TMEM232: variants seen among roughly 807,000 people sequenced by gnomAD.
The protein encoded by TMEM232 is transmembrane protein 232.
A neutral mutation model predicts 78.8 loss-of-function variants in TMEM232; 80 were observed. The ratio of observed to expected loss-of-function variants is 1.01; its 90% CI spans 0.85 to 1.22. The LOEUF (loss-of-function observed/expected upper bound fraction) is 1.22, where lower values mean the gene tolerates loss of function less well. Ranked by LOEUF, TMEM232 falls within the 50% of genes most tolerant of loss-of-function variation. The probability of loss-of-function intolerance (pLI) is 0.00; values close to 1 mark genes in which losing one functional copy is unlikely to be tolerated. For missense variants in TMEM232, 881 were observed against 742.2 expected (o/e 1.19, Z -2.17); for synonymous variants, 297 against 254.3 (o/e 1.17, Z -1.60).
At chr5:110,425,658 CTGTT>C (rs1757147934) in intron 12 of TMEM232, among the ~76,000 whole-genome samples, 1 of 151,988 alleles carries the variant, frequency 6.6e-6, no homozygotes, top group African/African-American at 2.4e-5. Flanking sequence ...TCATCAGGTT[CTGTT>C]TGTCTATTCT....
At chr5:110,412,636 T>A (rs1208740724) in intron 2 of TMEM232, among the ~76,000 whole-genome samples, 2 of 152,162 alleles carry the variant, frequency 1.3e-5, no homozygotes, top group Non-Finnish European at 2.9e-5. Flanking sequence ...TATGTGTATT[T>A]TAATTTATAA....
chr5:110,469,221 C>T (rs921955786), intron 12 of TMEM232, among the ~76,000 whole-genome samples: 3 of 152,168 alleles, frequency 2.0e-5, no homozygotes, highest in Non-Finnish European at 4.4e-5. Flanking sequence ...TTACACCATA[C>T]CATTTTGGAA....
intron 2 of TMEM232, among the ~76,000 whole-genome samples, chr5:110,646,769 T>C (rs139915098): frequency 1.4e-3 from 209 of 151,814 alleles, no homozygotes; most frequent in African/African-American, 4.9e-3. Flanking sequence ...TGATAGAAAA[T>C]ACTTGCAAAC....
rs143319443 is a variant in TMEM232, at chr5:110,706,668, C to G, written c.-13+19959G>C. Among the ~76,000 whole-genome samples, 1,146 of 152,232 alleles carry G rather than the reference C, an allele frequency of 7.5e-3. 8 individuals carry two copies. Among genetic ancestry groups the G allele is most frequent in the Non-Finnish European group, 0.012 (783 of 68,016 alleles). ...AAAGTACATCACATTGAATATTCTTCCACCCAGCTCCTCAAGGCATCTCAG... is the reference window on the plus strand; with the variant it reads ...AAAGTACATCACATTGAATATTCTTGCACCCAGCTCCTCAAGGCATCTCAG... On this transcript the variant is annotated intron_variant, in intron 1 of 13. Transcript: ENST00000455884.
At chr5:110,720,491 T>A (rs1797485972) in intron 1 of TMEM232, 1 of 152,108 alleles carries the variant, frequency 6.6e-6, no homozygotes, top group Non-Finnish European at 1.5e-5. Flanking sequence ...GGGAGTCCCA[T>A]CATCTTGGCC....
At chr5:110,424,754 C>G in intron 13 of TMEM232, 69 bp downstream of exon 13, 1 of 1,242,332 alleles carries the variant, frequency 8.0e-7, no homozygotes, top group Middle Eastern at 1.9e-4. Context: ...CTCAGAACTA[C>G]ATTTTATCAT....
intron 2 of TMEM232, among the ~76,000 whole-genome samples, chr5:110,655,064 T>C (rs968392734): frequency 1.3e-5 from 2 of 151,972 alleles, no homozygotes; most frequent in African/African-American, 4.8e-5. Context: ...GGGATCTAAT[T>C]AAACTAAAGA....
At chr5:110,715,129 T>A (rs912181457) in intron 1 of TMEM232, among the ~76,000 whole-genome samples, 2 of 152,084 alleles carry the variant, frequency 1.3e-5, no homozygotes, top group Non-Finnish European at 2.9e-5. Context: ...AATTTGAAAG[T>A]AGCTAAAAAT....
rs141194367 is a variant in TMEM232 at position 110,577,889 on chromosome 5, G to A, written c.1277-9264C>T. Among the ~76,000 whole-genome samples, 1,466 of 151,950 alleles carry A rather than the reference G, an allele frequency of 9.6e-3. 34 individuals carry two copies. The highest frequency in any genetic ancestry group is 0.033 in the African/African-American group (1,368 of 41,468). ...CTTTTTGGAGGGTGGAGGGTGGGAG[G>A]AGGGAGAAGATCAGGATACATAACT... On this transcript the variant is annotated intron_variant, in intron 10 of 13. Transcript: ENST00000455884.
intron 12 of TMEM232, among the ~76,000 whole-genome samples, chr5:110,479,344 A>T (rs1763609084): frequency 6.6e-6 from 1 of 151,838 alleles, no homozygotes; most frequent in African/African-American, 2.4e-5. Flanking sequence ...ACATACATAC[A>T]CAACTTGATG....
At chr5:110,413,604 C>T (rs1756078095) in intron 2 of TMEM232, among the ~76,000 whole-genome samples, 1 of 152,180 alleles carries the variant, frequency 6.6e-6, no homozygotes, top group Admixed American at 6.6e-5. Context: ...ATCTCCTCTC[C>T]ATCCCTATGG....
intron 12 of TMEM232, among the ~76,000 whole-genome samples, chr5:110,508,717 G>A (rs1018445138): frequency 2.1e-4 from 31 of 150,226 alleles, no homozygotes; most frequent in Admixed American, 1.5e-3. Context: ...TCCCTTTCAC[G>A]AATGAAAAGG....
intron 12 of TMEM232, among the ~76,000 whole-genome samples, chr5:110,467,230 T>C (rs995691323): frequency 5.3e-5 from 8 of 152,190 alleles, no homozygotes; most frequent in Non-Finnish European, 1.0e-4. Flanking sequence ...AACAGAACCA[T>C]AGAGAGGTAG....
At chr5:110,461,095 C>A (rs549926414) in intron 12 of TMEM232, among the ~76,000 whole-genome samples, 1 of 151,754 alleles carries the variant, frequency 6.6e-6, no homozygotes, top group Non-Finnish European at 1.5e-5. Flanking sequence ...CCCTTTCAAT[C>A]GAAATCTAGA....
intron 10 of TMEM232, among the ~76,000 whole-genome samples, chr5:110,595,023 C>G (rs116142036): frequency 6.6e-6 from 1 of 152,144 alleles, no homozygotes; most frequent in Admixed American, 6.5e-5. Flanking sequence ...CACAGGAGAG[C>G]TCCGGCTGGC....
At chr5:110,663,470 A>T (rs962033230) in intron 2 of TMEM232, among the ~76,000 whole-genome samples, 4 of 152,236 alleles carry the variant, frequency 2.6e-5, no homozygotes, top group East Asian at 3.9e-4. Flanking sequence ...AAAATTCATT[A>T]TAAGTGTCAC....
intron 3 of TMEM232, 63 bp from the exon 4 acceptor site, chr5:110,641,059 T>C: frequency 9.7e-7 from 1 of 1,031,580 alleles, no homozygotes; most frequent in Non-Finnish European, 1.3e-6. Flanking sequence ...ATATATTTAT[T>C]TTTAACTCTT....
chr5:110,492,988 A>G (rs1464086737), intron 12 of TMEM232, among the ~76,000 whole-genome samples: 1 of 151,916 alleles, frequency 6.6e-6, no homozygotes, highest in Non-Finnish European at 1.5e-5. Context: ...ATTGATAACT[A>G]TTAAAGCCAG....
intron 12 of TMEM232, among the ~76,000 whole-genome samples, chr5:110,493,228 A>C (rs187376548): frequency 6.6e-6 from 1 of 152,054 alleles, no homozygotes; most frequent in Non-Finnish European, 1.5e-5. Context: ...GTTCCTAGAG[A>C]TGAAAACTTA....
Sources: gnomAD v4.1 joint callset for allele counts (sites outside exome capture counted in the v4.1 genomes callset) on GRCh38, gnomAD v4.1.1 for gene constraint, MANE v1.5 for transcripts, NCBI Gene and HGNC (gene_info 2026-07-23, HGNC 2026-07-21) for gene names.